S100A8: variants seen among roughly 807,000 people sequenced by gnomAD.
The protein encoded by S100A8 is protein S100-A8.
A neutral mutation model predicts 4.2 loss-of-function variants in S100A8; 1 was observed. The observed-to-expected ratio is 0.24, with a 90% CI of 0.08 to 1.12. The LOEUF is 1.12. Ranked by LOEUF, S100A8 falls within the 50% of genes most tolerant of loss-of-function variation. S100A8 has a pLI of 0.53. For missense variants in S100A8, 96 were observed against 111.8 expected (o/e 0.86, Z 0.64); for synonymous variants, 41 against 44.7 (o/e 0.92, Z 0.33).
At chr1:153,407,695 A>T in the S100A8 span, among the ~76,000 whole-genome samples, 15 of 152,218 alleles carry the variant, frequency 9.9e-5, no homozygotes, top group Non-Finnish European at 1.3e-4. Context: ...ACCCCCAAGC[A>T]GCCTAACTGG....
upstream of S100A8, among the ~76,000 whole-genome samples, chr1:153,395,392 C>A (rs924398602): frequency 1.3e-5 from 2 of 152,142 alleles, no homozygotes; most frequent in Admixed American, 1.3e-4. Flanking sequence ...ACCCAGGCAC[C>A]GAGGTCCCAT....
chr1:153,410,514 A>G, the S100A8 span, among the ~76,000 whole-genome samples: 3 of 152,178 alleles, frequency 2.0e-5, no homozygotes, highest in Non-Finnish European at 4.4e-5. Flanking sequence ...AAAAAGTCCA[A>G]GACCAGATGA....
upstream of S100A8, among the ~76,000 whole-genome samples, chr1:153,394,474 C>A (rs910473974): frequency 6.6e-6 from 1 of 152,196 alleles, no homozygotes; most frequent in African/African-American, 2.4e-5. Context: ...TCCAGCCCCA[C>A]AGGCCCCAAT....
upstream of S100A8, among the ~76,000 whole-genome samples, chr1:153,394,299 C>T (rs1227157177): frequency 6.6e-6 from 1 of 152,162 alleles, no homozygotes; most frequent in African/African-American, 2.4e-5. Context: ...CTGGGTGCCC[C>T]TGCTTCGTAC....
the S100A8 span, among the ~76,000 whole-genome samples, chr1:153,409,675 C>A: frequency 1.3e-5 from 2 of 152,364 alleles, no homozygotes; most frequent in South Asian, 2.1e-4. Context: ...CTTCTCAGCA[C>A]CACGTCACAT....
chr1:153,414,330 G>A, the S100A8 span, among the ~76,000 whole-genome samples: 1 of 152,214 alleles, frequency 6.6e-6, no homozygotes, highest in Non-Finnish European at 1.5e-5. Flanking sequence ...ATAAGCCACA[G>A]ACTGGGAGAA....
At chr1:153,418,285 G>A in the S100A8 span, 4 of 1,605,684 alleles carry the variant, frequency 2.5e-6, no homozygotes, top group Non-Finnish European at 3.4e-6. Flanking sequence ...GATACATTTT[G>A]CTATGTGGCC....
chr1:153,402,083 C>A, the S100A8 span, among the ~76,000 whole-genome samples: 2 of 152,106 alleles, frequency 1.3e-5, no homozygotes, highest in Non-Finnish European at 2.9e-5. Context: ...ACATTATTGC[C>A]GTGTAGAGAA....
At chr1:153,399,364 G>A in the S100A8 span, among the ~76,000 whole-genome samples, 1 of 152,152 alleles carries the variant, frequency 6.6e-6, no homozygotes, top group Non-Finnish European at 1.5e-5. Context: ...CACATCCCTT[G>A]GAGCAGGATC....
the S100A8 span, among the ~76,000 whole-genome samples, chr1:153,408,079 C>T: frequency 2.6e-5 from 4 of 152,172 alleles, no homozygotes; most frequent in African/African-American, 4.8e-5. Flanking sequence ...TCCAAAGGAA[C>T]GCAGCTCCTC....
chr1:153,413,614 A>T, the S100A8 span, among the ~76,000 whole-genome samples: 1 of 152,194 alleles, frequency 6.6e-6, no homozygotes, highest in Non-Finnish European at 1.5e-5. Context: ...TAAGGATAAG[A>T]CTATTGCCAG....
the S100A8 span, among the ~76,000 whole-genome samples, chr1:153,397,807 C>G: frequency 6.6e-6 from 1 of 152,150 alleles, no homozygotes; most frequent in East Asian, 1.9e-4. Flanking sequence ...GCTTCCTGCC[C>G]GGGACAGGCT....
At chr1:153,408,146 G>A in the S100A8 span, among the ~76,000 whole-genome samples, 1 of 152,344 alleles carries the variant, frequency 6.6e-6, no homozygotes, top group African/African-American at 2.4e-5. Context: ...AGAGAAGAAG[G>A]CTTCAGATGA....
the S100A8 span, among the ~76,000 whole-genome samples, chr1:153,406,272 A>G: frequency 6.6e-6 from 1 of 152,150 alleles, no homozygotes; most frequent in Admixed American, 6.5e-5. Flanking sequence ...AATATAAGAC[A>G]TGGCTGGGCG....
chr1:153,419,219 T>C, the S100A8 span: 5 of 1,614,206 alleles, frequency 3.1e-6, no homozygotes, highest in Non-Finnish European at 4.2e-6. Flanking sequence ...AGATTGATTT[T>C]TCTGAGTTTC....
chr1:153,418,920 G>C, the S100A8 span, among the ~76,000 whole-genome samples: 24,577 of 152,046 alleles, frequency 0.16, 2,877 homozygotes, highest in African/African-American at 0.33. Context: ...GACAGGACCT[G>C]CCTCCCATCC....
chr1:153,396,935 G>A, the S100A8 span, among the ~76,000 whole-genome samples: 2 of 152,228 alleles, frequency 1.3e-5, no homozygotes, highest in Admixed American at 1.3e-4. Context: ...GCTGCAAAGA[G>A]ACAGGGGCAT....
the S100A8 span, among the ~76,000 whole-genome samples, chr1:153,404,579 GGGATTCCATGTGTATA>G: frequency 6.6e-6 from 1 of 152,140 alleles, no homozygotes; most frequent in African/African-American, 2.4e-5. Flanking sequence ...TATCATCACA[GGGATTCCATGTGTATA>G]GGCATCAAGA....
At chr1:153,401,773 A>T in the S100A8 span, among the ~76,000 whole-genome samples, 1 of 152,210 alleles carries the variant, frequency 6.6e-6, no homozygotes, top group South Asian at 2.1e-4. Flanking sequence ...GAGGGCGGTG[A>T]GGTGGTGGTG....
Sources: allele counts gnomAD v4.1 joint callset (sites outside exome capture counted in the v4.1 genomes callset), GRCh38; gene constraint gnomAD v4.1.1; transcripts MANE v1.5; gene names NCBI Gene and HGNC (gene_info 2026-07-23, HGNC 2026-07-21).